Variants in LRRC66 observed in about 807,000 individuals in gnomAD.
The protein encoded by LRRC66 is leucine rich repeat containing 66, also known as leucine-rich repeat-containing protein 66.
LRRC66 carries 29 observed loss-of-function variants against 24.6 expected under a neutral mutation model. The ratio of observed to expected loss-of-function variants is 1.18; its 90% CI spans 0.88 to 1.61. The LOEUF (loss-of-function observed/expected upper bound fraction) is 1.61. Among genes scored for constraint, LRRC66 ranks in the 40% most tolerant of loss-of-function variants. LRRC66 has a pLI of 0.00. For synonymous variants in LRRC66, 411 were observed against 397.6 expected (o/e 1.03, Z -0.40); for missense variants, 1,124 against 1,058.0 (o/e 1.06, Z -0.87).
In LRRC66 at chr4:51,994,593, C is replaced by G. The variant is rs1736245537; in HGVS notation, c.2429G>C (p.Gly810Ala). The part of the protein sequence containing the change: ...EGLSPWPRSP[G>A]NSPLGDEFPG... The stretch of plus-strand genomic sequence containing the variant: ...AAACTCATCCCCTAAGGGACTATTC[C>G]CTGGTGACCTGGGCCAGGGTGACAG... The change falls in exon 5 of 5, where the codon GGG becomes GCG. Residue 810 changes from glycine to alanine, a missense_variant. Transcript: ENST00000682860. 6.2e-7 allele frequency: 1 copy of G among 1,614,160 alleles called. No homozygotes were observed. Among genetic ancestry groups the G allele is most frequent in the Non-Finnish European group, 8.5e-7 (1 of 1,180,022 alleles).
At chr4:52,003,895 G>A (rs1025360285) in intron 2 of LRRC66, among the ~76,000 whole-genome samples, 1 of 152,182 alleles carries the variant, frequency 6.6e-6, no homozygotes, top group African/African-American at 2.4e-5. Flanking sequence ...ATATTTATTT[G>A]TTTGAACTAT....
chr4:52,011,617 A>T (rs1736705499), intron 2 of LRRC66, among the ~76,000 whole-genome samples: 1 of 152,188 alleles, frequency 6.6e-6, no homozygotes, highest in Admixed American at 6.5e-5. Context: ...GGCAGGAAAT[A>T]TAGAATTAAA....
At position 51,997,852 on chromosome 4, in the gene LRRC66, A is replaced by C; in HGVS notation, c.752T>G (p.Leu251Trp). The C allele has an allele frequency of 1.2e-6, 2 of 1,614,094 alleles. No homozygotes were observed. The highest frequency in any genetic ancestry group is 1.7e-6 in the Non-Finnish European group (2 of 1,179,960). The change falls in exon 4 of 5, where the codon TTG becomes TGG. Residue 251 changes from leucine (L) to tryptophan (W), a missense_variant. Leu to Trp is a moderately conservative substitution (Grantham distance 61). Transcript: ENST00000682860. ...ATCACACTGCCAGTTATTATCAGCC[A>C]AGTCAACCACTAGATGGGGAAATTC... ...ALEFPHLVVD[L>W]ADNNWQCDDS...
chr4:51,995,970 C>A lies in LRRC66; in HGVS notation c.1052G>T (p.Arg351Leu), dbSNP rs74610609. 2.6e-3 allele frequency: 4,251 copies of A among 1,613,922 alleles called. 62 individuals carry two copies. In the African/African-American group the frequency reaches 0.036, roughly 14 times the overall value. The change falls in exon 5 of 5, where the codon CGG becomes CTG. Residue 351 changes from arginine (R) to leucine (L), a missense_variant. Physicochemically the swap from Arg to Leu is moderately radical, Grantham distance 102 (BLOSUM62 -2). Transcript: ENST00000682860. The part of the protein sequence containing the change: ...AGSGLRKKQR[R>L]LPRSVRSTRD... ...GGTGCTTCTAACACTCCTTGGCAGC[C>A]GTCTCTGCTTCTTCCTGAGACCAGA...
chr4:52,004,835 G>GA (rs2110197388), intron 2 of LRRC66, among the ~76,000 whole-genome samples: 1 of 152,292 alleles, frequency 6.6e-6, no homozygotes, highest in South Asian at 2.1e-4. Context: ...TCAGGACGAC[G>GA]AATCAATCAA....
In LRRC66 at chr4:51,996,052, G is replaced by C. The variant is rs781209938; in HGVS notation, c.970C>G (p.Pro324Ala). 1 of 1,614,004 alleles carries C rather than the reference G, an allele frequency of 6.2e-7. No individual in the cohort carries two copies. Among genetic ancestry groups the C allele is most frequent in the African/African-American group, 1.3e-5 (1 of 74,972 alleles). The change falls in exon 5 of 5, where the codon CCC becomes GCC. Residue 324 changes from proline (P) to alanine (A), a missense_variant. Physicochemically the swap from Pro to Ala is conservative, Grantham distance 27. Transcript: ENST00000682860. ...ATGCCCGTGTGCCTTCCTCCCTGGG[G>C]CCTCTCTGCTTTGCTCCTTATGAGG... ...KSLIRSKAER[P>A]QGGRHTGIST...
intron 3 of LRRC66, among the ~76,000 whole-genome samples, chr4:51,999,184 A>T (rs1051840333): frequency 6.6e-6 from 1 of 152,198 alleles, no homozygotes; most frequent in African/African-American, 2.4e-5. Flanking sequence ...AATCATAAAG[A>T]TGAAAATACA....
intron 3 of LRRC66, among the ~76,000 whole-genome samples, chr4:52,002,692 A>C (rs1199363790): frequency 6.6e-6 from 1 of 152,252 alleles, no homozygotes; most frequent in Admixed American, 6.5e-5. Context: ...ATGCTATACA[A>C]GTATGGAAAT....
At chr4:51,999,708 A>G (rs1477352053) in intron 3 of LRRC66, among the ~76,000 whole-genome samples, 2 of 152,196 alleles carry the variant, frequency 1.3e-5, no homozygotes, top group African/African-American at 4.8e-5. Context: ...GAAAATTAAT[A>G]AAATTACTCA....
chr4:52,003,826 A>G (rs1346709686), intron 2 of LRRC66, among the ~76,000 whole-genome samples: 1 of 152,220 alleles, frequency 6.6e-6, no homozygotes, highest in Non-Finnish European at 1.5e-5. Flanking sequence ...ATGAGCATGT[A>G]CTACTTTCAA....
At chr4:51,996,708 C>T (rs1252962886) in intron 4 of LRRC66, among the ~76,000 whole-genome samples, 3 of 152,110 alleles carry the variant, frequency 2.0e-5, no homozygotes, top group Admixed American at 1.3e-4. Context: ...TATGGCTGTA[C>T]GCATTTACAC....
intron 4 of LRRC66, among the ~76,000 whole-genome samples, chr4:51,996,781 C>T (rs952212481): frequency 1.3e-5 from 2 of 152,202 alleles, no homozygotes; most frequent in Non-Finnish European, 2.9e-5. Flanking sequence ...CTTAGGCTTC[C>T]TGCCTCACTG....
intron 3 of LRRC66, among the ~76,000 whole-genome samples, chr4:51,999,154 T>G (rs1736390002): frequency 6.6e-6 from 1 of 152,062 alleles, no homozygotes; most frequent in Non-Finnish European, 1.5e-5. Flanking sequence ...GAGAGGCACA[T>G]GGTTATTAGG....
intron 2 of LRRC66, among the ~76,000 whole-genome samples, chr4:52,007,517 AATCACTTAAGGCCTCC>A (rs370718637): frequency 0.064 from 9,672 of 152,210 alleles, 1,014 homozygotes; most frequent in African/African-American, 0.22. Context: ...AGCCGAAGAA[AATCACTTAAGGCCTCC>A]ATGCTTGTTA....
At chr4:52,000,496 G>A (rs12163809) in intron 3 of LRRC66, among the ~76,000 whole-genome samples, 3 of 152,168 alleles carry the variant, frequency 2.0e-5, no homozygotes, top group Non-Finnish European at 4.4e-5. Flanking sequence ...GGTGCAGGCA[G>A]GACCAGTGAT....
At chr4:52,009,164 A>G (rs1736647325) in intron 2 of LRRC66, among the ~76,000 whole-genome samples, 2 of 152,172 alleles carry the variant, frequency 1.3e-5, no homozygotes, top group African/African-American at 4.8e-5. Context: ...ACCAAGAAAA[A>G]TCAAAATAGA....
At position 51,995,709 on chromosome 4, in the gene LRRC66, G is replaced by C. The variant is rs1255436661; in HGVS notation, c.1313C>G (p.Pro438Arg). 1.9e-6 allele frequency: 3 copies of C among 1,614,154 alleles called. No individual in the cohort carries two copies. In the South Asian group the frequency reaches 3.3e-5, roughly 18 times the overall value. Residue 438 changes from proline (P) to arginine (R), a missense_variant, in exon 5 of 5, where the codon CCA (proline) becomes CGA (arginine). Physicochemically the swap from Pro to Arg is moderately radical, Grantham distance 103. Coordinates refer to ENST00000682860, the MANE Select transcript of LRRC66 (RefSeq NM_001024611.3). Reference sequence around the variant, plus strand: ...AAATACTTGGCGCAGATGGGTCTCTGGGTGTGGTGTGTGCCCCGCAGCTTC... The same window carrying C: ...AAATACTTGGCGCAGATGGGTCTCTCGGTGTGGTGTGTGCCCCGCAGCTTC... ...DMEAAGHTPH[P>R]ETHLRQVFPH... is the part of the protein sequence containing the mutation.
At chr4:52,002,476 A>G (rs888077085) in intron 3 of LRRC66, among the ~76,000 whole-genome samples, 3 of 152,026 alleles carry the variant, frequency 2.0e-5, no homozygotes, top group Non-Finnish European at 2.9e-5. Flanking sequence ...TCCCAAAGGG[A>G]AGGGTGTGGA....
intron 2 of LRRC66, among the ~76,000 whole-genome samples, chr4:52,008,107 G>C (rs1270328884): frequency 6.6e-6 from 1 of 152,094 alleles, no homozygotes; most frequent in African/African-American, 2.4e-5. Flanking sequence ...CTTGTGAATG[G>C]GCTGCTGCTA....
Sources: allele counts gnomAD v4.1 joint callset (sites outside exome capture counted in the v4.1 genomes callset), GRCh38; gene constraint gnomAD v4.1.1; transcripts MANE v1.5; gene names NCBI Gene and HGNC (gene_info 2026-07-23, HGNC 2026-07-21).